ARHGAP6: variants seen among roughly 807,000 people sequenced by gnomAD.
The protein encoded by ARHGAP6 is rho GTPase-activating protein 6.
ARHGAP6 carries 16 observed loss-of-function variants against 55.7 expected under a neutral mutation model. That is an observed-to-expected ratio of 0.29 (90% CI 0.19 to 0.44). ARHGAP6 has a LOEUF of 0.44. ARHGAP6 is among the 20% of genes least tolerant of loss of function. The pLI is 1.00. For missense variants in ARHGAP6, 698 were observed against 808.9 expected (o/e 0.86, Z 1.66); for synonymous variants, 382 against 360.9 (o/e 1.06, Z -0.66).
intron 1 of ARHGAP6, among the ~76,000 whole-genome samples, chrX:11,562,100 A>C (rs762961212): frequency 3.6e-5 from 4 of 112,231 alleles, no homozygotes; most frequent in Non-Finnish European, 5.6e-5. Flanking sequence ...TAGGAAGGGC[A>C]AGAAAGCAAA....
At chrX:11,304,697 C>G (rs1008674743) in intron 1 of ARHGAP6, among the ~76,000 whole-genome samples, 49 of 108,721 alleles carry the variant, frequency 4.5e-4, no homozygotes, top group Admixed American at 3.9e-4. Context: ...ACTCCCAACT[C>G]AGACCCTTCC....
chrX:11,392,215 A>T (rs1157180741), intron 1 of ARHGAP6, among the ~76,000 whole-genome samples: 1 of 111,918 alleles, frequency 8.9e-6, no homozygotes, highest in Non-Finnish European at 1.9e-5. Context: ...ATCTTATATT[A>T]ATACAGGTAA....
chrX:11,580,866 C>A (rs2051657618), intron 1 of ARHGAP6, among the ~76,000 whole-genome samples: 1 of 111,789 alleles, frequency 8.9e-6, no homozygotes, highest in Non-Finnish European at 1.9e-5. Context: ...ACATAAAAAG[C>A]CAATCATGAA....
intron 1 of ARHGAP6, among the ~76,000 whole-genome samples, chrX:11,398,334 A>AGTTTTAC (rs2049506247): frequency 9.1e-6 from 1 of 109,537 alleles, no homozygotes; most frequent in Non-Finnish European, 1.9e-5. Context: ...AGGGAGTAAG[A>AGTTTTAC]GTTTTACTCA....
intron 1 of ARHGAP6, among the ~76,000 whole-genome samples, chrX:11,331,153 G>T (rs1009485749): frequency 9.0e-6 from 1 of 111,524 alleles, no homozygotes; most frequent in African/African-American, 3.3e-5. Flanking sequence ...TGGCCATGAA[G>T]AAATGATCTG....
In ARHGAP6 at chrX:11,166,798, TAGA is replaced by T. The variant is rs765902774; in HGVS notation, c.1809+2704_1809+2706del. 4.3e-3 allele frequency among the ~76,000 whole-genome samples: 473 copies of T among 110,952 alleles called. 3 individuals are homozygous for T. The highest frequency in any genetic ancestry group is 0.015 in the African/African-American group (451 of 30,075). ...ATCTAGTATTTGATAACTAAAGAAA[TAGA>T]AGAAGATGAGGTCATGTAGCCAATA... On this transcript the variant is annotated intron_variant, in intron 9 of 12. Coordinates refer to ENST00000337414, the MANE Select transcript of ARHGAP6 (RefSeq NM_013427.3).
chrX:11,274,937 T>A (rs1421243485), intron 1 of ARHGAP6, among the ~76,000 whole-genome samples: 1 of 111,644 alleles, frequency 9.0e-6, no homozygotes, highest in Non-Finnish European at 1.9e-5. Context: ...ACGCACATAA[T>A]GAGAAAAAGC....
chrX:11,590,095 T>G (rs1277484782), intron 1 of ARHGAP6, among the ~76,000 whole-genome samples: 1 of 111,403 alleles, frequency 9.0e-6, no homozygotes, highest in African/African-American at 3.3e-5. Flanking sequence ...ACTGGCTCTC[T>G]GTGTTCTGAG....
At chrX:11,191,740 T>C (rs914396553) in intron 3 of ARHGAP6, among the ~76,000 whole-genome samples, 2 of 111,796 alleles carry the variant, frequency 1.8e-5, no homozygotes, top group Non-Finnish European at 3.8e-5. Flanking sequence ...CTCTAAATCA[T>C]TGCTGTCTTC....
intron 1 of ARHGAP6, among the ~76,000 whole-genome samples, chrX:11,363,322 C>T (rs930318424): frequency 3.7e-4 from 42 of 112,137 alleles, no homozygotes; most frequent in African/African-American, 1.4e-3. Context: ...TTTGGATCAC[C>T]TCTGTTCCAC....
rs1459577542 is a variant in ARHGAP6 at position 11,381,484 on chromosome X, T to C, written c.589-126777A>G. 2.7e-5 allele frequency among the ~76,000 whole-genome samples: 3 copies of C among 111,775 alleles called. No homozygotes were observed. In the Admixed American group the frequency reaches 2.8e-4, roughly 11 times the overall value. On this transcript the variant is annotated intron_variant, in intron 1 of 12. Transcript: ENST00000337414. ...CAAATCCCTTTCATCCCAACGACCA[T>C]AGAAGATATAAACCAGTTGTTGTCC...
intron 1 of ARHGAP6, among the ~76,000 whole-genome samples, chrX:11,658,258 T>G (rs1321970345): frequency 8.9e-6 from 1 of 111,830 alleles, no homozygotes; most frequent in Non-Finnish European, 1.9e-5. Context: ...AAAATGTTGG[T>G]GAAAACTCAA....
intron 2 of ARHGAP6, among the ~76,000 whole-genome samples, chrX:11,236,460 C>T (rs2047202660): frequency 9.0e-6 from 1 of 111,372 alleles, no homozygotes; most frequent in Non-Finnish European, 1.9e-5. Context: ...TAACCTCTAC[C>T]TTACGCTGTA....
chrX:11,548,619 T>C (rs2051235151), intron 1 of ARHGAP6, among the ~76,000 whole-genome samples: 1 of 80,609 alleles, frequency 1.2e-5, no homozygotes, highest in African/African-American at 5.4e-5. Context: ...AAAGTATTTC[T>C]TTTTTTTTTT....
At chrX:11,470,123 T>G in intron 1 of ARHGAP6, among the ~76,000 whole-genome samples, 1 of 112,065 alleles carries the variant, frequency 8.9e-6, no homozygotes, top group South Asian at 3.8e-4. Context: ...GTGGACATTG[T>G]ACCCTCAAAT....
At chrX:11,513,657 G>T in intron 1 of ARHGAP6, among the ~76,000 whole-genome samples, 1 of 110,979 alleles carries the variant, frequency 9.0e-6, no homozygotes, top group Non-Finnish European at 1.9e-5. Context: ...AAACGTATGA[G>T]ACCCAGTTCT....
chrX:11,618,315 C>T (rs1046221443), intron 1 of ARHGAP6, among the ~76,000 whole-genome samples: 6 of 112,232 alleles, frequency 5.3e-5, no homozygotes, highest in Non-Finnish European at 1.1e-4. Flanking sequence ...ACTAAGTTTG[C>T]AGTAATTTGT....
chrX:11,345,698 C>T lies in ARHGAP6; in HGVS notation c.589-90991G>A, dbSNP rs753194441. Among the ~76,000 whole-genome samples the T allele has an allele frequency of 1.2e-3, 130 of 111,994 alleles. 1 individual carries two copies. The highest frequency in any genetic ancestry group is 4.1e-3 in the African/African-American group (126 of 30,839). On this transcript the variant is annotated intron_variant, in intron 1 of 12. Coordinates refer to ENST00000337414, the MANE Select transcript of ARHGAP6 (RefSeq NM_013427.3). ...TACCTCAGTTTATATTGCCACCTTA[C>T]GCAGGCAGGGCACGTTAGCCTTTGA...
intron 1 of ARHGAP6, among the ~76,000 whole-genome samples, chrX:11,398,966 G>A (rs958954782): frequency 4.5e-5 from 5 of 111,934 alleles, no homozygotes; most frequent in East Asian, 5.6e-4. Context: ...ATTAACATTC[G>A]TGATGATTCA....
Sources: gnomAD v4.1 joint callset for allele counts (sites outside exome capture counted in the v4.1 genomes callset) on GRCh38, gnomAD v4.1.1 for gene constraint, MANE v1.5 for transcripts, NCBI Gene and HGNC (gene_info 2026-07-23, HGNC 2026-07-21) for gene names.